The following CPB1 variants were observed in gnomAD, a reference collection of about 807,000 sequenced individuals.
CPB1 encodes carboxypeptidase B.
CPB1 carries 53 observed loss-of-function variants against 51.4 expected under a neutral mutation model. That is an observed-to-expected ratio of 1.03 (90% CI 0.83 to 1.30). The LOEUF (loss-of-function observed/expected upper bound fraction) is 1.30. Among genes scored for constraint, CPB1 ranks in the 50% most tolerant of loss-of-function variants. The pLI, the probability that CPB1 is intolerant of heterozygous loss-of-function variation, is 0.00. For missense variants in CPB1, 494 were observed against 516.2 expected (o/e 0.96, Z 0.42); for synonymous variants, 189 against 186.9 (o/e 1.01, Z -0.09).
chr3:148,832,401 G>A (rs912428464), intron 2 of CPB1, among the ~76,000 whole-genome samples: 3 of 152,036 alleles, frequency 2.0e-5, no homozygotes, highest in African/African-American at 7.2e-5. Context: ...AGCATTTAAT[G>A]CTTTGAGTGG....
At chr3:148,834,881 C>T (rs1712850930) in intron 3 of CPB1, among the ~76,000 whole-genome samples, 1 of 152,146 alleles carries the variant, frequency 6.6e-6, no homozygotes, top group African/African-American at 2.4e-5. Context: ...TGACTTGGTC[C>T]ATTTTACAAG....
At position 148,857,480 on chromosome 3, in the gene CPB1, G is replaced by A. The variant is rs1402054466; in HGVS notation, c.1005G>A (p.Val335=). The change falls in exon 10 of 11, where the codon GTG becomes GTA. Residue 335 remains valine, a synonymous_variant. Coordinates refer to ENST00000282957, the MANE Select transcript of CPB1 (RefSeq NM_001871.3). The stretch of plus-strand genomic sequence containing the variant: ...AGAATGCCCTGGCTAAAGCTACTGT[G>A]AAAGAACTTGCCTCACTGCACGGCA... ...AELNALAKAT[V]KELASLHGTK... 1.2e-6 allele frequency: 2 copies of A among 1,613,906 alleles called. No individual in the cohort carries two copies. The highest frequency in any genetic ancestry group is 3.3e-5 in the Admixed American group (2 of 59,984).
chr3:148,839,956 A>C (rs890647179), intron 3 of CPB1, among the ~76,000 whole-genome samples: 12 of 152,096 alleles, frequency 7.9e-5, no homozygotes, highest in African/African-American at 2.6e-4. Flanking sequence ...ACACACACAC[A>C]CCTTCAGACT....
chr3:148,837,738 A>G (rs1183928026), intron 3 of CPB1, among the ~76,000 whole-genome samples: 2 of 151,942 alleles, frequency 1.3e-5, no homozygotes, highest in South Asian at 4.1e-4. Context: ...AGAAGTCAGC[A>G]ACACATTTCA....
intron 5 of CPB1, 144 bp downstream of exon 5, chr3:148,841,119 C>A: frequency 1.7e-6 from 1 of 594,158 alleles, no homozygotes; most frequent in African/African-American, 1.8e-5. Flanking sequence ...GAACCAGATT[C>A]CCCAGCTTCT....
intron 3 of CPB1, among the ~76,000 whole-genome samples, chr3:148,835,920 G>C (rs1315511260): frequency 6.6e-6 from 1 of 152,126 alleles, no homozygotes; most frequent in Non-Finnish European, 1.5e-5. Flanking sequence ...AACAAGTAAA[G>C]GCTTTGGGAA....
At chr3:148,854,046 C>G (rs994632111) in intron 9 of CPB1, 1 of 152,154 alleles carries the variant, frequency 6.6e-6, no homozygotes, top group Admixed American at 6.5e-5. Context: ...TCTGCTGTGT[C>G]GTTGCTTCTT....
intron 9 of CPB1, chr3:148,856,978 T>C (rs1372708348): frequency 6.5e-6 from 1 of 153,368 alleles, no homozygotes; most frequent in African/African-American, 2.4e-5. Flanking sequence ...GCCATTCCTA[T>C]GTGCAGTTTC....
intron 9 of CPB1, among the ~76,000 whole-genome samples, chr3:148,846,194 C>G (rs901867219): frequency 6.6e-5 from 10 of 151,834 alleles, no homozygotes; most frequent in African/African-American, 2.4e-4. Context: ...GGGAATAAAG[C>G]AAAGAAATGT....
At chr3:148,848,353 T>C (rs916180137) in intron 9 of CPB1, among the ~76,000 whole-genome samples, 2 of 152,146 alleles carry the variant, frequency 1.3e-5, no homozygotes, top group Admixed American at 6.5e-5. Flanking sequence ...TAGAGAAATG[T>C]GACTCTGCTG....
At chr3:148,855,616 C>A (rs776143960) in intron 9 of CPB1, 1 of 152,298 alleles carries the variant, frequency 6.6e-6, no homozygotes, top group South Asian at 2.1e-4. Flanking sequence ...AATCAACACA[C>A]GAGTCCAATA....
At chr3:148,837,087 A>G (rs139256662) in intron 3 of CPB1, among the ~76,000 whole-genome samples, 42 of 152,324 alleles carry the variant, frequency 2.8e-4, no homozygotes, top group African/African-American at 9.9e-4. Context: ...TAACAGAAAG[A>G]CTAGGAATCA....
intron 9 of CPB1, 91 bp downstream of exon 9, chr3:148,845,717 G>A: frequency 2.0e-6 from 2 of 1,009,984 alleles, no homozygotes; most frequent in Non-Finnish European, 1.4e-6. Context: ...AACACTTTCT[G>A]GAAGTCCCTT....
intron 10 of CPB1, among the ~76,000 whole-genome samples, chr3:148,858,096 A>G (rs1713636616): frequency 1.3e-5 from 2 of 152,258 alleles, no homozygotes; most frequent in Admixed American, 6.5e-5. Flanking sequence ...AAGAACTAGC[A>G]GTAGGGAAGC....
At chr3:148,844,069 T>C (rs1713162198) in intron 6 of CPB1, among the ~76,000 whole-genome samples, 1 of 152,176 alleles carries the variant, frequency 6.6e-6, no homozygotes, top group African/African-American at 2.4e-5. Context: ...TGCACAGCTA[T>C]CCACAGACAC....
intron 2 of CPB1, 122 bp downstream of exon 2, chr3:148,828,199 A>T (rs1712629471): frequency 2.2e-5 from 18 of 804,980 alleles, no homozygotes; most frequent in South Asian, 3.6e-5. Flanking sequence ...AGAAATAAAA[A>T]CTTGGAAAAC....
At chr3:148,829,714 A>C (rs1344092480) in intron 2 of CPB1, among the ~76,000 whole-genome samples, 1 of 152,172 alleles carries the variant, frequency 6.6e-6, no homozygotes, top group East Asian at 1.9e-4. Context: ...TATCCTTGTC[A>C]CTGATAAAAG....
chr3:148,859,827 G>C lies in CPB1; in HGVS notation c.1079G>C (p.Gly360Ala). Residue 360 changes from glycine (G) to alanine (A), a missense_variant, in exon 11 of 11, where the codon GGG (glycine) becomes GCG (alanine). By Grantham distance (60) the Gly-to-Ala change is moderately conservative. Coordinates refer to ENST00000282957, the MANE Select transcript of CPB1 (RefSeq NM_001871.3). ...PGATTIYPAA[G>A]GSDDWAYDQG... is the part of the protein sequence containing the mutation. ...TTGCACATTTCAGATCCTGCTGCTG[G>C]GGGCTCTGACGACTGGGCTTATGAC... is the stretch of plus-strand genomic sequence containing the variant. 1 of 1,612,450 alleles carries C rather than the reference G, an allele frequency of 6.2e-7. No individual in the cohort carries two copies. The highest frequency in any genetic ancestry group is 8.5e-7 in the Non-Finnish European group (1 of 1,179,072).
intron 9 of CPB1, among the ~76,000 whole-genome samples, chr3:148,853,912 TAA>T (rs1459750582): frequency 2.0e-5 from 3 of 152,160 alleles, no homozygotes; most frequent in Admixed American, 6.5e-5. Flanking sequence ...TTGTAAAGCT[TAA>T]GTTTTTATGT....
Sources: gnomAD v4.1 joint callset for allele counts (sites outside exome capture counted in the v4.1 genomes callset) on GRCh38, gnomAD v4.1.1 for gene constraint, MANE v1.5 for transcripts, NCBI Gene and HGNC (gene_info 2026-07-23, HGNC 2026-07-21) for gene names.